SCAI: variants seen among roughly 807,000 people sequenced by gnomAD.
The protein encoded by SCAI is protein SCAI.
In SCAI, 24 loss-of-function variants were observed where a neutral mutation model predicts 92.2. The ratio of observed to expected loss-of-function variants is 0.26; its 90% confidence interval spans 0.19 to 0.37. The LOEUF is 0.37. Among genes scored for constraint, SCAI ranks in the 10% least tolerant of loss-of-function variants. The probability of loss-of-function intolerance (pLI) is 1.00; values close to 1 mark genes in which losing one functional copy is unlikely to be tolerated. For missense variants in SCAI, 450 were observed against 736.2 expected (o/e 0.61, Z 4.50); for synonymous variants, 261 against 258.6 (o/e 1.01, Z -0.09).
intron 14 of SCAI, among the ~76,000 whole-genome samples, chr9:124,994,036 T>C (rs1168220245): frequency 1.3e-5 from 1 of 79,898 alleles, no homozygotes; most frequent in African/African-American, 5.0e-5. Context: ...ACTGCTGGCA[T>C]TTTTTTTTTT....
chr9:125,121,574 G>A (rs1588241145), intron 2 of SCAI, among the ~76,000 whole-genome samples: 1 of 152,042 alleles, frequency 6.6e-6, no homozygotes, highest in Non-Finnish European at 1.5e-5. Context: ...ATCCAGGCTG[G>A]ACATGGTGGC....
rs1017181430 is a variant in SCAI, at chr9:125,137,710, C to T, written c.98+4923G>A. On this transcript the variant is annotated intron_variant, in intron 2 of 17. Transcript: ENST00000336505. ...CCACCTCCCAGGTTCAAGAGATTCTCTGGCCTCAGCCTCCTGAGTACCTGT... is the reference window on the plus strand; with the variant it reads ...CCACCTCCCAGGTTCAAGAGATTCTTTGGCCTCAGCCTCCTGAGTACCTGT... Among the ~76,000 whole-genome samples the T allele has an allele frequency of 2.0e-5, 3 of 152,326 alleles. No homozygotes were observed. In the East Asian group the frequency reaches 5.8e-4, roughly 29 times the overall value.
chr9:124,988,513 A>G (rs1193263441), intron 14 of SCAI, among the ~76,000 whole-genome samples: 1 of 152,168 alleles, frequency 6.6e-6, no homozygotes, highest in Non-Finnish European at 1.5e-5. Context: ...AATTATATAT[A>G]TATGTGCATA....
intron 14 of SCAI, among the ~76,000 whole-genome samples, chr9:124,988,569 T>C (rs1381447981): frequency 1.3e-5 from 2 of 152,046 alleles, no homozygotes; most frequent in Non-Finnish European, 2.9e-5. Context: ...TTTCTATATA[T>C]ATGAAAGGAA....
intron 2 of SCAI, among the ~76,000 whole-genome samples, chr9:125,105,191 T>G (rs1588225129): frequency 6.6e-6 from 1 of 151,568 alleles, no homozygotes; most frequent in African/African-American, 2.4e-5. Context: ...AAGAATTAGC[T>G]GGGCATGGTG....
At chr9:124,994,870 A>G in intron 14 of SCAI, 64 bp downstream of exon 14, 2 of 999,646 alleles carry the variant, frequency 2.0e-6, no homozygotes, top group Non-Finnish European at 3.1e-6. Flanking sequence ...GCACACATTA[A>G]GAGTGGGTAC....
At chr9:125,003,433 G>T in intron 10 of SCAI, 36 bp downstream of exon 10, 3 of 1,398,056 alleles carry the variant, frequency 2.1e-6, no homozygotes, top group Non-Finnish European at 3.1e-6. Flanking sequence ...GCAGCCAGAG[G>T]GTTACCAAAC....
At position 125,142,457 on chromosome 9, in the gene SCAI, T is replaced by C. The variant is rs1014961787; in HGVS notation, c.98+176A>G. ...AGATACCAAGAAAAAAAAAATCGAC[T>C]GTAGAGGTAGTAATTTGAAGTCCTC... On this transcript the variant is annotated intron_variant, in intron 2 of 17. Transcript: ENST00000336505. The C allele has an allele frequency of 2.6e-5, 13 of 505,314 alleles. 1 individual carries two copies. The highest frequency in any genetic ancestry group is 5.8e-5 in the South Asian group (2 of 34,628). 31.3% of individuals were successfully genotyped at this position (505,314 alleles called of 1,614,324 possible).
chr9:125,122,215 C>G (rs1835169036), intron 2 of SCAI, among the ~76,000 whole-genome samples: 1 of 152,192 alleles, frequency 6.6e-6, no homozygotes, highest in African/African-American at 2.4e-5. Context: ...ACTGAGTAGT[C>G]TCTCAATACA....
intron 9 of SCAI, among the ~76,000 whole-genome samples, chr9:125,009,709 C>T (rs1273110): frequency 0.18 from 27,297 of 150,994 alleles, 2,585 homozygotes; most frequent in East Asian, 0.24. Context: ...GCCAACATGG[C>T]GAAACCCTGT....
chr9:124,963,722 C>A (rs940509902), intron 17 of SCAI, among the ~76,000 whole-genome samples: 14 of 140,090 alleles, frequency 1.0e-4, no homozygotes, highest in Admixed American at 3.0e-4. Flanking sequence ...TGTGCTCCAG[C>A]CTTCCAACCT....
rs112200928 is a variant in SCAI, at chr9:124,958,644, C to T, written c.1675-5691G>A. Among the ~76,000 whole-genome samples, 195 of 152,148 alleles carry T rather than the reference C, an allele frequency of 1.3e-3. 1 individual carries two copies. Among genetic ancestry groups the T allele is most frequent in the Non-Finnish European group, 3.2e-4 (22 of 67,994 alleles). ...GGAGAAGGCCAGGCGTGGTGGCTCACGCCTGTAATCCCAGCACTTTGGGAG... is the reference window on the plus strand; with the variant it reads ...GGAGAAGGCCAGGCGTGGTGGCTCATGCCTGTAATCCCAGCACTTTGGGAG... On this transcript the variant is annotated intron_variant, in intron 17 of 17. Coordinates refer to ENST00000336505, the MANE Select transcript of SCAI (RefSeq NM_001144877.3).
chr9:124,990,668 A>C (rs1832100309), intron 14 of SCAI, among the ~76,000 whole-genome samples: 1 of 152,088 alleles, frequency 6.6e-6, no homozygotes, highest in Admixed American at 6.6e-5. Context: ...CAATGCCAGT[A>C]TATTATTTAG....
chr9:124,966,438 T>A (rs1364663466), intron 17 of SCAI, among the ~76,000 whole-genome samples: 1 of 152,148 alleles, frequency 6.6e-6, no homozygotes, highest in Non-Finnish European at 1.5e-5. Context: ...CAGTTATGAT[T>A]TAATATTGCA....
chr9:124,992,626 C>T (rs1362146883), intron 14 of SCAI, among the ~76,000 whole-genome samples: 4 of 152,042 alleles, frequency 2.6e-5, no homozygotes, highest in African/African-American at 4.8e-5. Context: ...CCAAGTGATC[C>T]GCCCGCCTCA....
chr9:125,143,329 C>T (rs992666737), intron 1 of SCAI, 56 bp downstream of exon 1: 1 of 1,109,446 alleles, frequency 9.0e-7, no homozygotes. Context: ...TGCCCCTGGG[C>T]CCGCTCCCTG....
chr9:125,102,553 C>T (rs766782354), intron 2 of SCAI, among the ~76,000 whole-genome samples: 1 of 152,022 alleles, frequency 6.6e-6, no homozygotes. Flanking sequence ...CTCCCTCAGC[C>T]TTCAAACATG....
chr9:125,053,097 G>T (rs12001925), intron 3 of SCAI, among the ~76,000 whole-genome samples: 1 of 151,956 alleles, frequency 6.6e-6, no homozygotes, highest in East Asian at 1.9e-4. Context: ...CACTTTGGGA[G>T]GCCGAAGCAG....
chr9:124,971,344 C>T lies in SCAI; in HGVS notation c.1674+26G>A, dbSNP rs114173357. 413 of 1,310,376 alleles carry T rather than the reference C, an allele frequency of 3.2e-4. 1 individual carries two copies. The African/African-American group carries it at 5.5e-3, about 17-fold the overall frequency. The allele number at this position is 1,310,376 out of a possible 1,614,324, so 81.2% of individuals were successfully genotyped here. ...CTTAAATACCTAAAATGATAAAATT[C>T]GTCTTTAATAATGTTCTTTGCCTAC... On this transcript the variant is annotated intron_variant, in intron 17 of 17. Transcript: ENST00000336505.
Sources: gnomAD v4.1 joint callset for allele counts (sites outside exome capture counted in the v4.1 genomes callset) on GRCh38, gnomAD v4.1.1 for gene constraint, MANE v1.5 for transcripts, NCBI Gene and HGNC (gene_info 2026-07-23, HGNC 2026-07-21) for gene names.